Variants in CCSER1 observed in about 807,000 individuals in gnomAD.
The protein encoded by CCSER1 is coiled-coil serine rich protein 1, also known as serine-rich coiled-coil domain-containing protein 1.
A neutral mutation model predicts 82.0 loss-of-function variants in CCSER1; 41 were observed. The observed-to-expected ratio is 0.50, with a 90% confidence interval of 0.39 to 0.65. The LOEUF is 0.65. Among genes scored for constraint, CCSER1 ranks in the 30% least tolerant of loss-of-function variants. CCSER1 has a pLI of 0.00. For missense variants in CCSER1, 1,119 were observed against 1,064.2 expected, an observed-to-expected ratio of 1.05 and a Z score of -0.72; for synonymous variants, 414 against 383.9, an observed-to-expected ratio of 1.08 and a Z score of -0.92.
At chr4:90,205,865 C>A (rs2153409968) in intron 1 of CCSER1, among the ~76,000 whole-genome samples, 1 of 152,234 alleles carries the variant, frequency 6.6e-6, no homozygotes, top group African/African-American at 2.4e-5. Context: ...ATTACTGCCT[C>A]AATTTCAGAA....
At chr4:90,606,441 G>A (rs193173429) in intron 5 of CCSER1, among the ~76,000 whole-genome samples, 1 of 152,266 alleles carries the variant, frequency 6.6e-6, no homozygotes, top group East Asian at 1.9e-4. Context: ...TGTTAGCTAT[G>A]ACATCACGAG....
At chr4:91,091,328 C>T (rs1006239159) in intron 10 of CCSER1, among the ~76,000 whole-genome samples, 6 of 152,234 alleles carry the variant, frequency 3.9e-5, no homozygotes, top group South Asian at 2.1e-4. Context: ...TAGCACACGT[C>T]GGGCTGGTCA....
chr4:90,253,884 A>T (rs183776032), intron 1 of CCSER1, among the ~76,000 whole-genome samples: 53 of 152,258 alleles, frequency 3.5e-4, no homozygotes, highest in Non-Finnish European at 6.8e-4. Flanking sequence ...TATCATATCC[A>T]TCTGTTAGCC....
At chr4:90,858,968 A>G (rs1181246891) in intron 8 of CCSER1, among the ~76,000 whole-genome samples, 1 of 151,878 alleles carries the variant, frequency 6.6e-6, no homozygotes, top group Non-Finnish European at 1.5e-5. Flanking sequence ...GTCAAAAGAT[A>G]TTTTGCAGTG....
chr4:90,930,207 T>C (rs1729560908), intron 9 of CCSER1, among the ~76,000 whole-genome samples: 1 of 152,230 alleles, frequency 6.6e-6, no homozygotes, highest in Non-Finnish European at 1.5e-5. Context: ...GATTGCTACC[T>C]TTATAGGAAA....
rs188269688 is a variant in CCSER1 at position 91,600,336 on chromosome 4, C to T, written c.*1279C>T. The T allele has an allele frequency of 2.6e-5, 4 of 152,180 alleles. No homozygotes were observed. In the East Asian group the frequency reaches 7.7e-4, roughly 29 times the overall value. 9.4% of individuals were successfully genotyped at this position (152,180 alleles called of 1,614,324 possible). On this transcript the variant is annotated 3_prime_UTR_variant, in exon 11 of 11. Transcript: ENST00000509176. ...CAGAATCAAAGAGTACAATTGAATACATAAATAAATAATTTTTAAAAGACT... is the reference window on the plus strand; with the variant it reads ...CAGAATCAAAGAGTACAATTGAATATATAAATAAATAATTTTTAAAAGACT...
At chr4:91,247,794 G>T (rs898047290) in intron 10 of CCSER1, among the ~76,000 whole-genome samples, 2 of 152,134 alleles carry the variant, frequency 1.3e-5, no homozygotes, top group Non-Finnish European at 2.9e-5. Context: ...CTCAAACCTG[G>T]CAGTTGGAGG....
intron 4 of CCSER1, among the ~76,000 whole-genome samples, chr4:90,411,759 C>T (rs975166543): frequency 1.3e-5 from 2 of 152,224 alleles, no homozygotes; most frequent in South Asian, 2.1e-4. Context: ...ATAGTGTTGG[C>T]AGTTCTGGCC....
intron 10 of CCSER1, among the ~76,000 whole-genome samples, chr4:91,095,725 A>G (rs969944310): frequency 2.0e-5 from 3 of 152,154 alleles, no homozygotes; most frequent in African/African-American, 4.8e-5. Flanking sequence ...ATGACTTCAG[A>G]AACTTCATTT....
At chr4:90,140,377 G>T (rs1014132986) in intron 1 of CCSER1, among the ~76,000 whole-genome samples, 1 of 152,202 alleles carries the variant, frequency 6.6e-6, no homozygotes, top group Non-Finnish European at 1.5e-5. Flanking sequence ...GACCAGAAGT[G>T]ATGATTGTCT....
At chr4:91,528,057 G>A (rs985845427) in intron 10 of CCSER1, among the ~76,000 whole-genome samples, 1 of 152,018 alleles carries the variant, frequency 6.6e-6, no homozygotes, top group African/African-American at 2.4e-5. Flanking sequence ...TGGAATTACA[G>A]GCACAGGCTA....
At chr4:91,005,707 T>G (rs1296653823) in intron 9 of CCSER1, among the ~76,000 whole-genome samples, 1 of 152,174 alleles carries the variant, frequency 6.6e-6, no homozygotes, top group Non-Finnish European at 1.5e-5. Flanking sequence ...AAACAGGAAA[T>G]TGGTGTGCAA....
rs548541363 is a variant in CCSER1, at chr4:91,493,813, T to A, written c.2218-104759T>A. Among the ~76,000 whole-genome samples, 118 of 151,822 alleles carry A rather than the reference T, an allele frequency of 7.8e-4. 1 individual carries two copies. In the South Asian group the frequency reaches 7.9e-3, roughly 10 times the overall value. On this transcript the variant is annotated intron_variant, in intron 10 of 10. Transcript: ENST00000509176. ...ATTTCTTTTCTAGATACCACAAATA[T>A]CTAATTTTTTTTAAAAAAAGTTTGA...
intron 6 of CCSER1, among the ~76,000 whole-genome samples, chr4:90,685,879 G>A (rs920990336): frequency 6.6e-6 from 1 of 152,172 alleles, no homozygotes; most frequent in African/African-American, 2.4e-5. Flanking sequence ...TGTATTTGAT[G>A]AAAGCTGAGA....
At chr4:91,360,817 G>A (rs190860610) in intron 10 of CCSER1, among the ~76,000 whole-genome samples, 1 of 152,018 alleles carries the variant, frequency 6.6e-6, no homozygotes, top group Admixed American at 6.6e-5. Context: ...GCAAATTCCT[G>A]TCTATTGAAA....
intron 9 of CCSER1, among the ~76,000 whole-genome samples, chr4:91,009,409 T>C (rs977802445): frequency 6.6e-6 from 1 of 152,158 alleles, no homozygotes; most frequent in African/African-American, 2.4e-5. Flanking sequence ...CTTTACTACC[T>C]GATTGGTTGA....
chr4:91,404,130 TG>T (rs1211601376), intron 10 of CCSER1, among the ~76,000 whole-genome samples: 1 of 152,112 alleles, frequency 6.6e-6, no homozygotes, highest in African/African-American at 2.4e-5. Context: ...CTTGGGAGGG[TG>T]TATGTGTCCA....
intron 7 of CCSER1, among the ~76,000 whole-genome samples, chr4:90,792,829 G>C (rs1755454741): frequency 6.6e-6 from 1 of 152,172 alleles, no homozygotes; most frequent in South Asian, 2.1e-4. Context: ...ATACTTCCAA[G>C]GGCTCTGGGG....
intron 10 of CCSER1, among the ~76,000 whole-genome samples, chr4:91,178,901 G>T (rs1216811591): frequency 6.6e-6 from 1 of 152,152 alleles, no homozygotes; most frequent in Non-Finnish European, 1.5e-5. Flanking sequence ...TGCATTGATG[G>T]TTTTTACAAT....
Sources: allele counts gnomAD v4.1 joint callset (sites outside exome capture counted in the v4.1 genomes callset), GRCh38; gene constraint gnomAD v4.1.1; transcripts MANE v1.5; gene names NCBI Gene and HGNC (gene_info 2026-07-23, HGNC 2026-07-21).